CADM2: variants seen among roughly 807,000 people sequenced by gnomAD.
The protein encoded by CADM2 is immunoglobulin superfamily member 4D.
CADM2 carries 12 observed loss-of-function variants against 49.8 expected under a neutral mutation model. That is an observed-to-expected ratio of 0.24 (90% CI 0.15 to 0.39). The LOEUF (loss-of-function observed/expected upper bound fraction) is 0.39, where lower values mean the gene tolerates loss of function less well. Among genes scored for constraint, CADM2 ranks in the 10% least tolerant of loss-of-function variants. The pLI, the probability that CADM2 is intolerant of heterozygous loss-of-function variation, is 1.00. For synonymous variants in CADM2, 214 were observed against 175.4 expected, an observed-to-expected ratio of 1.22 and a Z score of -1.74; for missense variants, 378 against 492.3, an observed-to-expected ratio of 0.77 and a Z score of 2.20.
intron 1 of CADM2, among the ~76,000 whole-genome samples, chr3:85,502,335 C>G (rs1229457273): frequency 6.6e-6 from 1 of 152,012 alleles, no homozygotes; most frequent in Non-Finnish European, 1.5e-5. Context: ...CAATTAGACT[C>G]TTGAGAAAGG....
intron 1 of CADM2, among the ~76,000 whole-genome samples, chr3:85,086,296 A>G (rs748504297): frequency 9.9e-5 from 15 of 151,994 alleles, no homozygotes; most frequent in Non-Finnish European, 2.1e-4. Context: ...CTATATTTCA[A>G]TACAGACTTT....
At chr3:86,031,680 A>G (rs1320395529) in intron 8 of CADM2, among the ~76,000 whole-genome samples, 1 of 151,786 alleles carries the variant, frequency 6.6e-6, no homozygotes, top group Non-Finnish European at 1.5e-5. Flanking sequence ...TAGATATTTT[A>G]TTTTCGGAAT....
At chr3:85,697,090 TA>T (rs2066586590) in intron 1 of CADM2, among the ~76,000 whole-genome samples, 9 of 133,654 alleles carry the variant, frequency 6.7e-5, no homozygotes, top group Non-Finnish European at 1.2e-4. Context: ...ATGCCATATA[TA>T]TATATGCCAT....
rs6549059 is a variant in CADM2, at chr3:85,861,282, A to G, written c.239-22009A>G. On this transcript the variant is annotated intron_variant, in intron 3 of 9. Coordinates refer to ENST00000383699, the MANE Select transcript of CADM2 (RefSeq NM_001167675.2). ...AATGCTTTTCAGTCTATTTCCAATT[A>G]CATATCAGGAATTTGTAATTTGTAA... 2.8e-3 allele frequency among the ~76,000 whole-genome samples: 428 copies of G among 152,314 alleles called. 2 individuals are homozygous for G. The highest frequency in any genetic ancestry group is 9.9e-3 in the African/African-American group (412 of 41,572).
At chr3:85,761,029 C>T (rs569221680) in intron 2 of CADM2, among the ~76,000 whole-genome samples, 3 of 152,172 alleles carry the variant, frequency 2.0e-5, no homozygotes, top group Non-Finnish European at 2.9e-5. Flanking sequence ...ATGCCTTGGC[C>T]ATTTTCTTTA....
chr3:85,266,383 A>C (rs186019639), intron 1 of CADM2, among the ~76,000 whole-genome samples: 3 of 152,012 alleles, frequency 2.0e-5, no homozygotes, highest in Admixed American at 2.0e-4. Flanking sequence ...TTTCCAAAAA[A>C]TATATGGGTT....
intron 1 of CADM2, among the ~76,000 whole-genome samples, chr3:85,420,559 G>T (rs2036125598): frequency 6.6e-6 from 1 of 152,246 alleles, no homozygotes; most frequent in East Asian, 1.9e-4. Context: ...ATGCTCCATG[G>T]CAAAATCAGG....
At chr3:85,295,456 A>T (rs965055261) in intron 1 of CADM2, among the ~76,000 whole-genome samples, 1 of 152,190 alleles carries the variant, frequency 6.6e-6, no homozygotes, top group Admixed American at 6.5e-5. Flanking sequence ...TACCCAAAGG[A>T]CTATAAATCA....
intron 1 of CADM2, among the ~76,000 whole-genome samples, chr3:85,437,776 A>G (rs1280421180): frequency 1.3e-5 from 2 of 151,978 alleles, no homozygotes; most frequent in Non-Finnish European, 2.9e-5. Flanking sequence ...CTCTCCATTT[A>G]TTGTTCCTTT....
At chr3:85,458,323 T>G (rs2038088760) in intron 1 of CADM2, among the ~76,000 whole-genome samples, 2 of 152,202 alleles carry the variant, frequency 1.3e-5, no homozygotes, top group African/African-American at 4.8e-5. Flanking sequence ...ATTTATTATT[T>G]TATGTTATCC....
At chr3:85,156,933 G>C (rs1221087087) in intron 1 of CADM2, among the ~76,000 whole-genome samples, 1 of 152,104 alleles carries the variant, frequency 6.6e-6, no homozygotes, top group African/African-American at 2.4e-5. Context: ...TGTATATCTA[G>C]AAAACCCCAT....
chr3:85,420,502 GA>G (rs1039518445), intron 1 of CADM2, among the ~76,000 whole-genome samples: 14 of 152,130 alleles, frequency 9.2e-5, no homozygotes, highest in South Asian at 2.1e-4. Flanking sequence ...TCCCATGGGG[GA>G]AAAAAATTAT....
chr3:85,344,338 G>A (rs554386775), intron 1 of CADM2, among the ~76,000 whole-genome samples: 25 of 151,242 alleles, frequency 1.7e-4, no homozygotes, highest in Non-Finnish European at 2.9e-4. Context: ...CAGAGATTGC[G>A]CCACTGCACT....
intron 8 of CADM2, among the ~76,000 whole-genome samples, chr3:85,986,062 A>G (rs1728071552): frequency 6.6e-6 from 1 of 152,050 alleles, no homozygotes; most frequent in Non-Finnish European, 1.5e-5. Flanking sequence ...CACTGTCTGA[A>G]GCATTTATTT....
At chr3:85,424,751 A>ATGTTTC (rs2036323774) in intron 1 of CADM2, among the ~76,000 whole-genome samples, 1 of 152,252 alleles carries the variant, frequency 6.6e-6, no homozygotes, top group Admixed American at 6.5e-5. Flanking sequence ...CTTTGATTTC[A>ATGTTTC]TATGATTTCT....
chr3:85,276,884 C>A (rs1375800334), intron 1 of CADM2, among the ~76,000 whole-genome samples: 2 of 150,934 alleles, frequency 1.3e-5, no homozygotes, highest in Non-Finnish European at 3.0e-5. Context: ...ACTGGAAAGG[C>A]AAGTTAAGGA....
At chr3:85,463,559 G>A (rs928669153) in intron 1 of CADM2, among the ~76,000 whole-genome samples, 2 of 151,856 alleles carry the variant, frequency 1.3e-5, no homozygotes, top group Non-Finnish European at 2.9e-5. Context: ...TAAATAAAAG[G>A]GATTGTAACT....
At chr3:85,125,089 C>T (rs1404397034) in intron 1 of CADM2, among the ~76,000 whole-genome samples, 1 of 152,100 alleles carries the variant, frequency 6.6e-6, no homozygotes, top group East Asian at 1.9e-4. Context: ...AACATTAAGG[C>T]CATCTTAGTC....
intron 1 of CADM2, among the ~76,000 whole-genome samples, chr3:85,405,786 T>C (rs2035344427): frequency 1.3e-5 from 2 of 151,910 alleles, no homozygotes; most frequent in African/African-American, 4.8e-5. Context: ...ACATGTGCCA[T>C]AGTGGTTTAA....
Sources: gnomAD v4.1 joint callset for allele counts (sites outside exome capture counted in the v4.1 genomes callset) on GRCh38, gnomAD v4.1.1 for gene constraint, MANE v1.5 for transcripts, NCBI Gene and HGNC (gene_info 2026-07-23, HGNC 2026-07-21) for gene names.